INPP5D: variants seen among roughly 807,000 people sequenced by gnomAD.
INPP5D encodes the protein inositol polyphosphate-5-phosphatase D.
In INPP5D, 33 loss-of-function variants were observed where a neutral mutation model predicts 122.9. The ratio of observed to expected loss-of-function variants is 0.27; its 90% CI spans 0.20 to 0.36. INPP5D has a LOEUF of 0.36. Among genes scored for constraint, INPP5D ranks in the 10% least tolerant of loss-of-function variants. The pLI, the probability that INPP5D is intolerant of heterozygous loss-of-function variation, is 1.00. For synonymous variants in INPP5D, 584 were observed against 576.2 expected, an observed-to-expected ratio of 1.01 and a Z score of -0.19; for missense variants, 1,053 against 1,412.7, an observed-to-expected ratio of 0.75 and a Z score of 4.08.
intron 6 of INPP5D, among the ~76,000 whole-genome samples, chr2:233,143,853 T>C (rs1693678324): frequency 6.6e-6 from 1 of 151,330 alleles, no homozygotes; most frequent in Non-Finnish European, 1.5e-5. Context: ...GAGGTGGTCA[T>C]GATCATATGG....
At chr2:233,121,417 C>T (rs943318123) in intron 2 of INPP5D, among the ~76,000 whole-genome samples, 7 of 150,834 alleles carry the variant, frequency 4.6e-5, no homozygotes, top group Admixed American at 4.0e-4. Context: ...GGATTACCGG[C>T]ACAAGCCACT....
chr2:233,196,353 T>G (rs1695184424), intron 24 of INPP5D, among the ~76,000 whole-genome samples: 1 of 152,214 alleles, frequency 6.6e-6, no homozygotes, highest in African/African-American at 2.4e-5. Flanking sequence ...AGCTAACATT[T>G]GTTGAGTCCC....
Position 233,122,138 on chromosome 2 carries a change from C to A in INPP5D, c.230C>A (p.Thr77Asn), listed in dbSNP as rs1693002913. Residue 77 changes from threonine (T) to asparagine (N), a missense_variant, in exon 3 of 27, where the codon ACC becomes AAC. By Grantham distance (65) the Thr-to-Asn change is moderately conservative (BLOSUM62 0). Coordinates refer to ENST00000445964, the MANE Select transcript of INPP5D (RefSeq NM_001017915.3). ...GAAGGCGTCTCCATGAGGTTCTTCA[C>A]CAAGCTGGACCAGCTCATCGAGTTT... ...ASEGVSMRFFTKLDQLIEFYK... is the reference protein window; with the variant it reads ...ASEGVSMRFFNKLDQLIEFYK... 1 of 1,613,856 alleles carries A rather than the reference C, an allele frequency of 6.2e-7. No homozygotes were observed. The highest frequency in any genetic ancestry group is 1.3e-5 in the African/African-American group (1 of 74,920).
At position 233,100,859 on chromosome 2, in the gene INPP5D, G is replaced by A. The variant is rs1007513413; in HGVS notation, c.199-21248G>A. ...AGAACACTGTTACTGTCCCTTTCTGGCATTTCTTGGTTTCAGACAATCTCA... is the reference window on the plus strand; with the variant it reads ...AGAACACTGTTACTGTCCCTTTCTGACATTTCTTGGTTTCAGACAATCTCA... On this transcript the variant is annotated intron_variant, in intron 2 of 26. Transcript: ENST00000445964. The surrounding 1 kb of genome is among the most constrained non-coding windows in gnomAD (Gnocchi z 5.3). Among the ~76,000 whole-genome samples the A allele has an allele frequency of 6.6e-6, 1 of 152,136 alleles. No individual in the cohort carries two copies. The highest frequency in any genetic ancestry group is 1.5e-5 in the Non-Finnish European group (1 of 68,030).
intron 9 of INPP5D, among the ~76,000 whole-genome samples, chr2:233,150,709 T>C (rs1693899640): frequency 6.6e-6 from 1 of 152,206 alleles, no homozygotes; most frequent in Non-Finnish European, 1.5e-5. Flanking sequence ...TCGTGAACGC[T>C]TCCTCTAAGG....
chr2:233,070,455 TTTC>T (rs201704702), intron 1 of INPP5D, among the ~76,000 whole-genome samples: 5 of 150,014 alleles, frequency 3.3e-5, no homozygotes, highest in Non-Finnish European at 5.9e-5. Context: ...TTTTTTTTTT[TTTC>T]GAGATGGTGT....
chr2:233,097,239 A>C (rs4973604), intron 2 of INPP5D, among the ~76,000 whole-genome samples: 106,554 of 151,458 alleles, frequency 0.7, 37,670 homozygotes, highest in Middle Eastern at 0.79. Flanking sequence ...GGTTTAATCG[A>C]GGTGGCTTTC....
intron 26 of INPP5D, chr2:233,205,343 CAAAAAAAAAAAAA>C (rs756138155): frequency 1.8e-5 from 2 of 112,958 alleles, no homozygotes; most frequent in Admixed American, 1.8e-4. Context: ...GACTCCGTCT[CAAAAAAAAAAAAA>C]AAAAAAAATT....
At chr2:233,130,870 A>C (rs1440835638) in intron 5 of INPP5D, 4 of 693,432 alleles carry the variant, frequency 5.8e-6, no homozygotes, top group Non-Finnish European at 7.8e-6. Context: ...TTTTACAACT[A>C]AAGTTAATTG....
chr2:233,064,502 G>A (rs1404113208), intron 1 of INPP5D, among the ~76,000 whole-genome samples: 1 of 152,208 alleles, frequency 6.6e-6, no homozygotes, highest in East Asian at 1.9e-4. Context: ...CTTCCAAAGA[G>A]CTCTGTGCCA....
intron 1 of INPP5D, among the ~76,000 whole-genome samples, chr2:233,076,711 C>T (rs1271636387): frequency 1.3e-5 from 2 of 152,050 alleles, no homozygotes; most frequent in African/African-American, 4.8e-5. Flanking sequence ...ATAAGCGAGT[C>T]AAAGACACAA....
chr2:233,107,371 T>G lies in INPP5D; in HGVS notation c.199-14736T>G, dbSNP rs114103513. On this transcript the variant is annotated intron_variant, in intron 2 of 26. Coordinates refer to ENST00000445964, the MANE Select transcript of INPP5D (RefSeq NM_001017915.3). The stretch of plus-strand genomic sequence containing the variant: ...GGCTATCTTGGGTGGGCACAGGGAA[T>G]GTAGACCTCCCAGGTTTCTCCTAGA... Among the ~76,000 whole-genome samples, 1,264 of 152,264 alleles carry G rather than the reference T, an allele frequency of 8.3e-3. 9 individuals are homozygous for G. The highest frequency in any genetic ancestry group is 0.029 in the African/African-American group (1,193 of 41,556).
rs191127383 is a variant in INPP5D, at chr2:233,089,857, G to A, written c.198+10459G>A. 3.4e-3 allele frequency among the ~76,000 whole-genome samples: 512 copies of A among 152,332 alleles called. 2 individuals carry two copies. The highest frequency in any genetic ancestry group is 6.8e-3 in the Middle Eastern group (2 of 294). On this transcript the variant is annotated intron_variant, in intron 2 of 26. Transcript: ENST00000445964. The stretch of plus-strand genomic sequence containing the variant: ...AACCCCAGATTTTTACATCTTGAGG[G>A]AGAAGCGTCTCAGGAAACTTCTACA...
intron 2 of INPP5D, among the ~76,000 whole-genome samples, chr2:233,120,073 CCT>C (rs1464512767): frequency 2.6e-5 from 4 of 152,214 alleles, no homozygotes; most frequent in Admixed American, 6.5e-5. Context: ...GGTCTTGTTT[CCT>C]ACAGGCGATG....
At position 233,195,459 on chromosome 2, in the gene INPP5D, G is replaced by T; in HGVS notation, c.2657G>T (p.Ser886Ile). The stretch of plus-strand genomic sequence containing the variant: ...CCAAAGACCCTGAAGAGCCTCACCA[G>T]CCACGACCCCATGAAGCAGTGGGAA... ...SGPKTLKSLT[S>I]HDPMKQWEVT... Residue 886 changes from serine to isoleucine, a missense_variant, in exon 24 of 27, where the codon AGC becomes ATC. By Grantham distance (142) the Ser-to-Ile change is moderately radical (BLOSUM62 -2). Transcript: ENST00000445964. 6.2e-7 allele frequency: 1 copy of T among 1,609,484 alleles called. No homozygotes were observed. Among genetic ancestry groups the T allele is most frequent in the Non-Finnish European group, 8.5e-7 (1 of 1,177,646 alleles).
At chr2:233,122,783 G>A (rs1693028437) in intron 3 of INPP5D, among the ~76,000 whole-genome samples, 2 of 152,036 alleles carry the variant, frequency 1.3e-5, no homozygotes, top group Admixed American at 6.6e-5. Context: ...CTCTAGCCTG[G>A]GTGACAGAAA....
intron 5 of INPP5D, chr2:233,133,976 G>A (rs1478611783): frequency 4.4e-6 from 2 of 456,400 alleles, no homozygotes; most frequent in Non-Finnish European, 8.8e-6. Flanking sequence ...ATGGCTGGGG[G>A]CGTGCAGATG....
rs1293869194 is a variant in INPP5D at position 233,204,216 on chromosome 2, T to C, written c.3066T>C (p.Tyr1022=). The C allele has an allele frequency of 1.9e-6, 3 of 1,613,424 alleles. No individual in the cohort carries two copies. The highest frequency in any genetic ancestry group is 1.6e-4 in the Middle Eastern group (1 of 6,062). ...TKPEMFENPL[Y]GSLSSFPKPA... is the part of the protein sequence containing the mutation. Reference sequence around the variant, plus strand: ...CCGAGATGTTTGAGAACCCCCTGTATGGGTCCCTGAGTTCCTTCCCTAAGC... The same window carrying C: ...CCGAGATGTTTGAGAACCCCCTGTACGGGTCCCTGAGTTCCTTCCCTAAGC... The change falls in exon 26 of 27, where the codon TAT becomes TAC. Residue 1022 remains tyrosine, a synonymous_variant. Transcript: ENST00000445964.
chr2:233,119,159 G>A (rs545910967), intron 2 of INPP5D, among the ~76,000 whole-genome samples: 2 of 152,286 alleles, frequency 1.3e-5, no homozygotes, highest in South Asian at 2.1e-4. Flanking sequence ...GCATTGGTGC[G>A]TCTTAAATTC....
Sources: allele counts gnomAD v4.1 joint callset (sites outside exome capture counted in the v4.1 genomes callset), GRCh38; gene constraint gnomAD v4.1.1; non-coding constraint Gnocchi (gnomAD v3.1); transcripts MANE v1.5; gene names NCBI Gene and HGNC (gene_info 2026-07-23, HGNC 2026-07-21).